C9: variants seen among roughly 807,000 people sequenced by gnomAD.
C9 encodes the protein complement component C9.
In C9, 63 loss-of-function variants were observed where a neutral mutation model predicts 65.4. The observed-to-expected ratio is 0.96, with a 90% CI of 0.79 to 1.19. The LOEUF (loss-of-function observed/expected upper bound fraction) is 1.19. C9 is among the 50% of genes most tolerant of loss of function. The pLI, the probability that C9 is intolerant of heterozygous loss-of-function variation, is 0.00. For synonymous variants in C9, 229 were observed against 227.9 expected (o/e 1.00, Z -0.04); for missense variants, 744 against 670.1 (o/e 1.11, Z -1.22).
chr5:39,304,336 G>T (rs1245764314), intron 9 of C9, among the ~76,000 whole-genome samples: 1 of 152,116 alleles, frequency 6.6e-6, no homozygotes, highest in African/African-American at 2.4e-5. Context: ...TGGGTGGGGA[G>T]AGGTTCTAGT....
chr5:39,293,429 A>G (rs765508724), intron 9 of C9, among the ~76,000 whole-genome samples: 4 of 152,034 alleles, frequency 2.6e-5, no homozygotes, highest in Non-Finnish European at 5.9e-5. Context: ...TATCAGACAA[A>G]GCAGACTTCA....
intron 9 of C9, among the ~76,000 whole-genome samples, chr5:39,289,420 C>T (rs1012187737): frequency 1.4e-5 from 2 of 147,748 alleles, no homozygotes; most frequent in Non-Finnish European, 3.0e-5. Flanking sequence ...CTGAAGGCAA[C>T]CTTTTTCTAA....
chr5:39,305,309 A>G (rs1432654514), intron 9 of C9, among the ~76,000 whole-genome samples: 1 of 152,152 alleles, frequency 6.6e-6, no homozygotes, highest in African/African-American at 2.4e-5. Flanking sequence ...CTGTATTTCT[A>G]TAACATAAAG....
intron 8 of C9, among the ~76,000 whole-genome samples, chr5:39,307,009 C>G (rs1753393634): frequency 6.6e-6 from 1 of 152,128 alleles, no homozygotes; most frequent in Non-Finnish European, 1.5e-5. Flanking sequence ...TCTGTCATCT[C>G]TTTTAAAAAA....
chr5:39,358,696 T>C (rs1457529820), intron 1 of C9, among the ~76,000 whole-genome samples: 1 of 151,912 alleles, frequency 6.6e-6, no homozygotes, highest in Non-Finnish European at 1.5e-5. Context: ...TGTTTAAAGA[T>C]AGTACCGGGC....
chr5:39,349,188 A>AC (rs1288027256), intron 1 of C9, among the ~76,000 whole-genome samples: 1 of 151,642 alleles, frequency 6.6e-6, no homozygotes, highest in Non-Finnish European at 1.5e-5. Flanking sequence ...AAAAGGAAAA[A>AC]AAAAAAACAC....
intron 4 of C9, among the ~76,000 whole-genome samples, chr5:39,336,112 T>A (rs941652992): frequency 2.6e-5 from 4 of 152,180 alleles, no homozygotes; most frequent in African/African-American, 9.6e-5. Context: ...AAAGATAAAA[T>A]CAATAAATAT....
chr5:39,315,712 T>C (rs1753556469), intron 6 of C9, 63 bp downstream of exon 6: 1 of 1,212,230 alleles, frequency 8.2e-7, no homozygotes, highest in East Asian at 2.4e-5. Flanking sequence ...TTGCTCAAAA[T>C]ACTTAAAGAG....
At chr5:39,311,744 A>G (rs1753488755) in intron 6 of C9, among the ~76,000 whole-genome samples, 1 of 152,200 alleles carries the variant, frequency 6.6e-6, no homozygotes, top group Non-Finnish European at 1.5e-5. Context: ...TCATGGCAGC[A>G]TTAGTCAGAA....
chr5:39,340,365 C>T (rs777754577), intron 4 of C9, among the ~76,000 whole-genome samples: 1 of 152,088 alleles, frequency 6.6e-6, no homozygotes, highest in Non-Finnish European at 1.5e-5. Context: ...TCCACCTTTA[C>T]CAAAAATAGC....
intron 9 of C9, among the ~76,000 whole-genome samples, chr5:39,306,199 C>A (rs1579846383): frequency 2.0e-5 from 3 of 146,768 alleles, no homozygotes; most frequent in East Asian, 4.0e-4. Flanking sequence ...TTAGTAAATA[C>A]AATTCTCCTG....
At chr5:39,319,558 C>T (rs986698437) in intron 5 of C9, among the ~76,000 whole-genome samples, 1 of 152,148 alleles carries the variant, frequency 6.6e-6, no homozygotes, top group Non-Finnish European at 1.5e-5. Context: ...GCTTCCATGA[C>T]CTCAAGCACC....
Position 39,344,357 on chromosome 5 carries a change from G to A in C9, c.78-2161C>T, listed in dbSNP as rs988334345. The stretch of plus-strand genomic sequence containing the variant: ...CTGATGGAGCTGAAAACCATGGCAC[G>A]AGAACTACGTGATGAATGCACAAGC... On this transcript the variant is annotated intron_variant, in intron 1 of 10. Transcript: ENST00000263408. 3.0e-4 allele frequency among the ~76,000 whole-genome samples: 45 copies of A among 152,176 alleles called. 1 individual carries two copies. The highest frequency in any genetic ancestry group is 1.8e-4 in the Non-Finnish European group (12 of 68,042).
intron 1 of C9, among the ~76,000 whole-genome samples, chr5:39,345,421 A>C (rs1754172249): frequency 6.6e-6 from 1 of 152,242 alleles, no homozygotes; most frequent in African/African-American, 2.4e-5. Context: ...CAAAAGAGAC[A>C]AAGAAGGCCA....
At chr5:39,333,916 C>CA (rs1434687329) in intron 4 of C9, among the ~76,000 whole-genome samples, 1 of 152,200 alleles carries the variant, frequency 6.6e-6, no homozygotes, top group East Asian at 1.9e-4. Flanking sequence ...ACTCAGTGCT[C>CA]AATGGTGCCC....
Position 39,311,281 on chromosome 5 carries a change from TA to T in C9, c.966del (p.Asp322GlufsTer2). ...TCATAGGTAGTTGGCAAAGCTTTTA[TA>T]TCATCCACAAAAGTTGTTGTGAGCA... Reference protein sequence around the residue: ...DVVLTTTFVDDIKALPTTYEK... With the variant: ...DVVLTTTFVDXIKALPTTYEK... On this transcript the variant is annotated frameshift_variant, in exon 7 of 11. Coordinates refer to ENST00000263408, the MANE Select transcript of C9 (RefSeq NM_001737.5). LOFTEE classifies it high-confidence loss of function. 1 of 1,613,862 alleles carries T rather than the reference TA, an allele frequency of 6.2e-7. No homozygotes were observed. Among genetic ancestry groups the T allele is most frequent in the Non-Finnish European group, 8.5e-7 (1 of 1,179,798 alleles).
At chr5:39,337,254 G>T (rs1486112739) in intron 4 of C9, among the ~76,000 whole-genome samples, 1 of 152,162 alleles carries the variant, frequency 6.6e-6, no homozygotes, top group Non-Finnish European at 1.5e-5. Flanking sequence ...GAAAGTTTTT[G>T]TGCACCCCAT....
intron 4 of C9, among the ~76,000 whole-genome samples, chr5:39,339,510 C>T (rs114381527): frequency 2.0e-5 from 3 of 152,178 alleles, no homozygotes; most frequent in African/African-American, 4.8e-5. Flanking sequence ...TTCTCAACCT[C>T]GGCACTGACG....
intron 1 of C9, among the ~76,000 whole-genome samples, chr5:39,343,850 A>T (rs529481): frequency 0.075 from 11,464 of 152,230 alleles, 875 homozygotes; most frequent in African/African-American, 0.19. Flanking sequence ...ATCAAGCAGC[A>T]ACATTTGCTG....
Sources: gnomAD v4.1 joint callset for allele counts (sites outside exome capture counted in the v4.1 genomes callset) on GRCh38, gnomAD v4.1.1 for gene constraint, MANE v1.5 for transcripts, NCBI Gene and HGNC (gene_info 2026-07-23, HGNC 2026-07-21) for gene names.